Variants in PDS5B observed in about 807,000 individuals in gnomAD.
The protein encoded by PDS5B is PDS5 cohesin associated factor B.
A neutral mutation model predicts 184.1 loss-of-function variants in PDS5B; 51 were observed. The ratio of observed to expected loss-of-function variants is 0.28; its 90% CI spans 0.22 to 0.35. The LOEUF is 0.35. PDS5B is among the 10% of genes least tolerant of loss of function. PDS5B has a pLI of 1.00. For synonymous variants in PDS5B, 566 were observed against 569.2 expected, an observed-to-expected ratio of 0.99 and a Z score of 0.08; for missense variants, 1,180 against 1,723.3, an observed-to-expected ratio of 0.68 and a Z score of 5.58.
intron 1 of PDS5B, among the ~76,000 whole-genome samples, chr13:32,610,588 TTAGTAG>T (rs1471997440): frequency 2.0e-5 from 3 of 152,128 alleles, no homozygotes; most frequent in Admixed American, 1.3e-4. Flanking sequence ...TGTGCCAATG[TTAGTAG>T]TAGATCCAAC....
At position 32,745,537 on chromosome 13, in the gene PDS5B, T is replaced by C. The variant is rs183078218; in HGVS notation, c.2613-440T>C. Among the ~76,000 whole-genome samples the C allele has an allele frequency of 7.2e-5, 11 of 152,348 alleles. No individual in the cohort carries two copies. The East Asian group carries it at 2.1e-3, about 29-fold the overall frequency. On this transcript the variant is annotated intron_variant, in intron 23 of 34. Transcript: ENST00000315596. Reference sequence around the variant, plus strand: ...TTCTGTATTAGCCTGCTCAGACTGCTGTAATAAAATACCAGGCTTATAAAC... The same window carrying C: ...TTCTGTATTAGCCTGCTCAGACTGCCGTAATAAAATACCAGGCTTATAAAC...
intron 1 of PDS5B, among the ~76,000 whole-genome samples, chr13:32,645,935 C>T (rs901287243): frequency 6.6e-6 from 1 of 151,922 alleles, no homozygotes; most frequent in Admixed American, 6.6e-5. Flanking sequence ...TAATCATACT[C>T]TTATGTAGTG....
At chr13:32,637,582 G>A (rs1178368940) in intron 1 of PDS5B, among the ~76,000 whole-genome samples, 1 of 152,062 alleles carries the variant, frequency 6.6e-6, no homozygotes, top group East Asian at 1.9e-4. Context: ...AAAGCTTAGG[G>A]CAAAAGCCTT....
intron 1 of PDS5B, among the ~76,000 whole-genome samples, chr13:32,636,836 G>A (rs1277803784): frequency 6.6e-6 from 1 of 152,218 alleles, no homozygotes; most frequent in Admixed American, 6.5e-5. Flanking sequence ...GGTGGTGTGA[G>A]AGCATGCAGT....
At chr13:32,670,982 TGTA>T (rs1350185075) in intron 7 of PDS5B, among the ~76,000 whole-genome samples, 9 of 152,262 alleles carry the variant, frequency 5.9e-5, no homozygotes, top group Admixed American at 5.9e-4. Flanking sequence ...AAAATTAATT[TGTA>T]GTATGTAATT....
At chr13:32,647,975 A>T (rs1950269858) in intron 1 of PDS5B, among the ~76,000 whole-genome samples, 1 of 152,240 alleles carries the variant, frequency 6.6e-6, no homozygotes, top group Admixed American at 6.5e-5. Flanking sequence ...GGCTGTTATT[A>T]ACCAGGGGTC....
At chr13:32,686,888 A>C (rs936393867) in intron 11 of PDS5B, among the ~76,000 whole-genome samples, 16 of 152,198 alleles carry the variant, frequency 1.1e-4, no homozygotes, top group African/African-American at 3.6e-4. Flanking sequence ...TGATAGGTTT[A>C]AGACATTAAA....
chr13:32,759,720 TG>T (rs1321313542), intron 29 of PDS5B, 30 bp downstream of exon 29: 4 of 1,228,526 alleles, frequency 3.3e-6, no homozygotes, highest in Non-Finnish European at 4.7e-6. Context: ...TTAATTTTTA[TG>T]TGGTAGCTTA....
At chr13:32,757,942 C>T in intron 26 of PDS5B, 145 bp from the exon 27 acceptor site, 1 of 397,266 alleles carries the variant, frequency 2.5e-6, no homozygotes, top group Non-Finnish European at 4.4e-6. Flanking sequence ...TTTTTCCCTG[C>T]TGGTTTGTAA....
intron 2 of PDS5B, chr13:32,649,091 G>C (rs1950300293): frequency 2.2e-6 from 1 of 449,662 alleles, no homozygotes; most frequent in Non-Finnish European, 4.0e-6. Flanking sequence ...GTGAAGCTTA[G>C]ATTTTCTAGG....
rs114416430 is a variant in PDS5B at position 32,712,912 on chromosome 13, C to T, written c.2123+2806C>T. Reference sequence around the variant, plus strand: ...TTTACGGGAACAGAAGAAAATTATACGCTTAACCCATTAAACAAAAAATGA... The same window carrying T: ...TTTACGGGAACAGAAGAAAATTATATGCTTAACCCATTAAACAAAAAATGA... On this transcript the variant is annotated intron_variant, in intron 19 of 34. Transcript: ENST00000315596. Among the ~76,000 whole-genome samples the T allele has an allele frequency of 5.5e-3, 833 of 152,202 alleles. 5 individuals carry two copies. The highest frequency in any genetic ancestry group is 0.019 in the African/African-American group (808 of 41,508).
chr13:32,692,597 G>A (rs1438162786), intron 13 of PDS5B, among the ~76,000 whole-genome samples: 7 of 151,460 alleles, frequency 4.6e-5, no homozygotes, highest in Non-Finnish European at 8.8e-5. Flanking sequence ...AAGGAGATTT[G>A]TGGGAACTAA....
intron 6 of PDS5B, among the ~76,000 whole-genome samples, chr13:32,659,987 T>A (rs978970475): frequency 6.6e-6 from 1 of 152,190 alleles, no homozygotes; most frequent in Non-Finnish European, 1.5e-5. Flanking sequence ...AAACAGTCTC[T>A]GAATCCTGAA....
intron 13 of PDS5B, 70 bp downstream of exon 13, chr13:32,688,639 T>A: frequency 1.1e-6 from 1 of 876,782 alleles, no homozygotes; most frequent in Non-Finnish European, 1.9e-6. Context: ...GAAAAGAAAC[T>A]ACAAACACCT....
At position 32,687,097 on chromosome 13, in the gene PDS5B, C is replaced by G. The variant is rs746818426; in HGVS notation, c.1204-37C>G. ...CTTTCCTTAATTTATATAATGGAAG[C>G]CTTTTTACATTATAAATAAAACTTT... is the stretch of plus-strand genomic sequence containing the variant. On this transcript the variant is annotated intron_variant, in intron 11 of 34. Coordinates refer to ENST00000315596, the MANE Select transcript of PDS5B (RefSeq NM_015032.4). 8 of 1,509,628 alleles carry G rather than the reference C, an allele frequency of 5.3e-6. No homozygotes were observed. In the Admixed American group the frequency reaches 6.5e-5, roughly 12 times the overall value. The allele number at this position is 1,509,628 out of a possible 1,614,324, so 93.5% of individuals were successfully genotyped here. A position where few individuals can be genotyped will look rare whatever the true frequency, so the allele number is the denominator to read the frequency against.
chr13:32,734,003 C>A (rs1278783436), intron 20 of PDS5B, among the ~76,000 whole-genome samples: 1 of 151,320 alleles, frequency 6.6e-6, no homozygotes, highest in Non-Finnish European at 1.5e-5. Context: ...CACACACACA[C>A]ACACACACAC....
Position 32,638,255 on chromosome 13 carries a change from G to A in PDS5B, c.-19-10499G>A, listed in dbSNP as rs533485607. 8.5e-5 allele frequency among the ~76,000 whole-genome samples: 13 copies of A among 152,304 alleles called. No individual in the cohort carries two copies. The South Asian group carries it at 2.3e-3, about 27-fold the overall frequency. ...TCCCATTGCCTAAAAGAGTCATAAC[G>A]CCATCTCAGATTCTAGGTCTGAAAA... On this transcript the variant is annotated intron_variant, in intron 1 of 34. Transcript: ENST00000315596.
At chr13:32,688,430 A>G in intron 12 of PDS5B, 26 bp from the exon 13 acceptor site, 1 of 1,170,416 alleles carries the variant, frequency 8.5e-7, no homozygotes. Context: ...AAAAATCAAT[A>G]CAATGCCTTC....
chr13:32,643,585 A>C (rs1042128763), intron 1 of PDS5B, among the ~76,000 whole-genome samples: 1 of 152,100 alleles, frequency 6.6e-6, no homozygotes, highest in African/African-American at 2.4e-5. Context: ...TGGTGGTTCC[A>C]TAAGCTTATA....
Sources: gnomAD v4.1 joint callset for allele counts (sites outside exome capture counted in the v4.1 genomes callset) on GRCh38, gnomAD v4.1.1 for gene constraint, MANE v1.5 for transcripts, NCBI Gene and HGNC (gene_info 2026-07-23, HGNC 2026-07-21) for gene names.